Variants in CELF4 observed in about 807,000 individuals in gnomAD.
The protein encoded by CELF4 is CUGBP Elav-like family member 4.
Under a neutral mutation model 59.9 loss-of-function variants are expected in CELF4, and 18 were observed. The observed-to-expected ratio is 0.30, with a 90% CI of 0.21 to 0.45. The LOEUF (loss-of-function observed/expected upper bound fraction) is 0.45, where lower values mean the gene tolerates loss of function less well. Ranked by LOEUF, CELF4 falls within the 20% of genes least tolerant of loss-of-function variation. The pLI is 1.00. For synonymous variants in CELF4, 261 were observed against 267.1 expected (o/e 0.98, Z 0.22); for missense variants, 456 against 689.0 (o/e 0.66, Z 3.79).
intron 10 of CELF4, among the ~76,000 whole-genome samples, chr18:37,261,517 T>C (rs970911318): frequency 2.0e-5 from 3 of 152,150 alleles, no homozygotes; most frequent in African/African-American, 7.2e-5. Context: ...TCTAGTCCCT[T>C]CCCCTGGACA....
At chr18:37,372,077 T>A (rs1345109786) in intron 2 of CELF4, among the ~76,000 whole-genome samples, 2 of 152,184 alleles carry the variant, frequency 1.3e-5, no homozygotes, top group Admixed American at 1.3e-4. Context: ...GTGTGGAGAT[T>A]CCTCAAGGAT....
intron 2 of CELF4, among the ~76,000 whole-genome samples, chr18:37,410,373 GC>G (rs2154591983): frequency 6.6e-6 from 1 of 152,338 alleles, no homozygotes; most frequent in Non-Finnish European, 1.5e-5. Context: ...AGGGCCAGAG[GC>G]CTGGGCCTCC....
intron 3 of CELF4, among the ~76,000 whole-genome samples, chr18:37,301,232 G>A (rs753798138): frequency 1.2e-4 from 18 of 152,216 alleles, no homozygotes; most frequent in Non-Finnish European, 4.4e-5. Flanking sequence ...GAGGATGTCA[G>A]TGTGACTGCC....
rs1406597484 is a variant in CELF4, at chr18:37,321,896, A to G, written c.370-15T>C. 2 of 1,609,880 alleles carry G rather than the reference A, an allele frequency of 1.2e-6. No individual in the cohort carries two copies. The highest frequency in any genetic ancestry group is 1.7e-5 in the Admixed American group (1 of 59,864). On this transcript the variant is annotated splice_polypyrimidine_tract_variant and intron_variant, in intron 2 of 12. Transcript: ENST00000420428. ...GGCCGGTTCATCTGCAACAGAGCAGAGGGGGACAGCATTATAGCAGGCCTG... is the reference window on the plus strand; with the variant it reads ...GGCCGGTTCATCTGCAACAGAGCAGGGGGGGACAGCATTATAGCAGGCCTG...
intron 2 of CELF4, among the ~76,000 whole-genome samples, chr18:37,481,679 C>G (rs140884882): frequency 0.01 from 1,555 of 152,246 alleles, 21 homozygotes; most frequent in African/African-American, 0.035. Context: ...GACTCTGGGC[C>G]GTTTCTCGGA....
intron 2 of CELF4, among the ~76,000 whole-genome samples, chr18:37,395,827 C>T (rs1353730622): frequency 6.6e-6 from 1 of 152,196 alleles, no homozygotes; most frequent in East Asian, 1.9e-4. Context: ...AGGAGGCTGG[C>T]TTTGGGGCAC....
At chr18:37,260,768 C>G (rs1191912803) in intron 10 of CELF4, among the ~76,000 whole-genome samples, 1 of 152,228 alleles carries the variant, frequency 6.6e-6, no homozygotes, top group Non-Finnish European at 1.5e-5. Flanking sequence ...TCCCCAACCC[C>G]TAAAGCTGCC....
intron 12 of CELF4, among the ~76,000 whole-genome samples, chr18:37,251,530 C>G (rs1464976693): frequency 2.0e-5 from 3 of 152,162 alleles, no homozygotes; most frequent in Non-Finnish European, 4.4e-5. Flanking sequence ...CATGACCCTG[C>G]CTGATTCATA....
At chr18:37,544,128 CTAGGT>C (rs1316035743) in intron 1 of CELF4, among the ~76,000 whole-genome samples, 7 of 148,958 alleles carry the variant, frequency 4.7e-5, no homozygotes, top group African/African-American at 1.7e-4. Context: ...CAGGGATGTC[CTAGGT>C]TGTGAACTCT....
At chr18:37,373,300 C>G (rs889681320) in intron 2 of CELF4, among the ~76,000 whole-genome samples, 1 of 152,228 alleles carries the variant, frequency 6.6e-6, no homozygotes, top group Non-Finnish European at 1.5e-5. Flanking sequence ...CTCACAGGCG[C>G]AGCCATGTGC....
chr18:37,383,676 G>A (rs2099067477), intron 2 of CELF4, among the ~76,000 whole-genome samples: 1 of 152,182 alleles, frequency 6.6e-6, no homozygotes, highest in Non-Finnish European at 1.5e-5. Flanking sequence ...CATCTCGTTT[G>A]ATTCCCATGA....
intron 2 of CELF4, among the ~76,000 whole-genome samples, chr18:37,338,557 G>A (rs2097862585): frequency 1.3e-5 from 2 of 152,182 alleles, no homozygotes; most frequent in South Asian, 4.1e-4. Context: ...TCTGGGTGGA[G>A]TGGAGCCTTC....
intron 2 of CELF4, among the ~76,000 whole-genome samples, chr18:37,445,483 G>A (rs2099745626): frequency 1.3e-5 from 2 of 152,002 alleles, no homozygotes; most frequent in African/African-American, 4.8e-5. Flanking sequence ...AAATGTGTGT[G>A]TGACTCAGAG....
chr18:37,467,714 T>C (rs1362830018), intron 2 of CELF4, among the ~76,000 whole-genome samples: 1 of 152,204 alleles, frequency 6.6e-6, no homozygotes, highest in Non-Finnish European at 1.5e-5. Flanking sequence ...GTGATTAGCA[T>C]TTTAATGCAT....
chr18:37,407,606 C>T (rs111353214), intron 2 of CELF4, among the ~76,000 whole-genome samples: 2 of 33,220 alleles, frequency 6.0e-5, no homozygotes, highest in African/African-American at 1.0e-4. Flanking sequence ...TATATATATA[C>T]ACACATATAC....
chr18:37,462,035 G>A (rs937451557), intron 2 of CELF4, among the ~76,000 whole-genome samples: 1 of 152,218 alleles, frequency 6.6e-6, no homozygotes, highest in Non-Finnish European at 1.5e-5. Flanking sequence ...GTGGCACAGA[G>A]ACAGTAATTG....
At chr18:37,531,441 A>G (rs547634356) in intron 1 of CELF4, among the ~76,000 whole-genome samples, 1 of 152,174 alleles carries the variant, frequency 6.6e-6, no homozygotes, top group Non-Finnish European at 1.5e-5. Context: ...TGCACGGGGA[A>G]AACAAAAATA....
chr18:37,484,494 T>G (rs1014113640), intron 2 of CELF4, among the ~76,000 whole-genome samples: 4 of 152,236 alleles, frequency 2.6e-5, no homozygotes, highest in African/African-American at 9.6e-5. Context: ...CTCAGCCCCG[T>G]GCTTTGCAAT....
intron 1 of CELF4, among the ~76,000 whole-genome samples, chr18:37,526,680 T>C (rs2099964178): frequency 6.6e-6 from 1 of 152,114 alleles, no homozygotes; most frequent in South Asian, 2.1e-4. Context: ...TCATGTTAGG[T>C]TTAAAATGCA....
Sources: gnomAD v4.1 joint callset for allele counts (sites outside exome capture counted in the v4.1 genomes callset) on GRCh38, gnomAD v4.1.1 for gene constraint, MANE v1.5 for transcripts, NCBI Gene and HGNC (gene_info 2026-07-23, HGNC 2026-07-21) for gene names.